The following SIPA1L2 variants were observed in gnomAD, a reference collection of about 807,000 sequenced individuals.
SIPA1L2 encodes signal induced proliferation associated 1 like 2.
SIPA1L2 carries 56 observed loss-of-function variants against 163.9 expected under a neutral mutation model. The ratio of observed to expected loss-of-function variants is 0.34; its 90% CI spans 0.28 to 0.43. The LOEUF is 0.43. Ranked by LOEUF, SIPA1L2 falls within the 20% of genes least tolerant of loss-of-function variation. The probability of loss-of-function intolerance (pLI) is 1.00; values close to 1 mark genes in which losing one functional copy is unlikely to be tolerated. For missense variants in SIPA1L2, 1,974 were observed against 2,193.5 expected (o/e 0.90, Z 2.00); for synonymous variants, 877 against 865.7 (o/e 1.01, Z -0.23).
intron 2 of SIPA1L2, among the ~76,000 whole-genome samples, chr1:232,562,720 C>G (rs978851636): frequency 1.3e-5 from 2 of 152,150 alleles, no homozygotes; most frequent in Non-Finnish European, 2.9e-5. Context: ...TCTGTTTAGT[C>G]CACTTGATAA....
At chr1:232,427,403 A>G (rs1039537072) in intron 17 of SIPA1L2, among the ~76,000 whole-genome samples, 5 of 152,250 alleles carry the variant, frequency 3.3e-5, no homozygotes, top group Admixed American at 6.5e-5. Flanking sequence ...ACTATAGGGA[A>G]GACAGAAGCA....
chr1:232,423,868 A>G (rs1318784417), intron 18 of SIPA1L2, among the ~76,000 whole-genome samples: 1 of 152,206 alleles, frequency 6.6e-6, no homozygotes, highest in Non-Finnish European at 1.5e-5. Flanking sequence ...TACTAAGTAG[A>G]AGAGGCCAGT....
At position 232,439,136 on chromosome 1, in the gene SIPA1L2, C is replaced by A. The variant is rs757200254; in HGVS notation, c.4003G>T (p.Asp1335Tyr). The change falls in exon 15 of 23, where the codon GAT becomes TAT. Residue 1335 changes from aspartate to tyrosine, a missense_variant. Coordinates refer to ENST00000674635, the MANE Select transcript of SIPA1L2 (RefSeq NM_020808.5). ...GAATGAGAGGATATCTCACTGAGAT[C>A]GCCCATGCTGCCTTCCGCAGCACTG... The part of the protein sequence containing the change: ...AGSAAEGSMG[D>Y]LSEISSHSSG... 1.2e-6 allele frequency: 2 copies of A among 1,610,980 alleles called. No individual in the cohort carries two copies. The highest frequency in any genetic ancestry group is 1.1e-5 in the South Asian group (1 of 90,834).
At chr1:232,586,968 T>C (rs889086331) in intron 1 of SIPA1L2, among the ~76,000 whole-genome samples, 10 of 152,262 alleles carry the variant, frequency 6.6e-5, no homozygotes, top group South Asian at 2.1e-4. Flanking sequence ...TGGGCCTTGA[T>C]GGTAATAGGA....
intron 6 of SIPA1L2, among the ~76,000 whole-genome samples, chr1:232,480,156 T>TGC (rs1447978724): frequency 7.7e-5 from 8 of 104,254 alleles, no homozygotes; most frequent in South Asian, 2.9e-4. Flanking sequence ...TGTGTGTGCG[T>TGC]GTGTGTGTGT....
chr1:232,453,399 T>A (rs1010128135), intron 10 of SIPA1L2, among the ~76,000 whole-genome samples: 1 of 152,230 alleles, frequency 6.6e-6, no homozygotes, highest in Non-Finnish European at 1.5e-5. Flanking sequence ...ATCCCATGAC[T>A]GGAACTTGCA....
intron 1 of SIPA1L2, among the ~76,000 whole-genome samples, chr1:232,583,978 G>C (rs1397750215): frequency 6.6e-6 from 1 of 151,088 alleles, no homozygotes; most frequent in Non-Finnish European, 1.5e-5. Context: ...AATCCCTTTT[G>C]CCCAAAGCTA....
At chr1:232,469,992 C>G (rs918380005) in intron 8 of SIPA1L2, among the ~76,000 whole-genome samples, 1 of 151,750 alleles carries the variant, frequency 6.6e-6, no homozygotes, top group Non-Finnish European at 1.5e-5. Context: ...TCCATTTGAC[C>G]TAAAAATAGC....
intron 18 of SIPA1L2, among the ~76,000 whole-genome samples, chr1:232,423,933 A>C (rs1661724258): frequency 6.6e-6 from 1 of 152,214 alleles, no homozygotes; most frequent in Non-Finnish European, 1.5e-5. Flanking sequence ...AGAAAAGGCA[A>C]AACAATGGAA....
At chr1:232,408,994 A>T (rs1252039142) in intron 19 of SIPA1L2, among the ~76,000 whole-genome samples, 1 of 152,144 alleles carries the variant, frequency 6.6e-6, no homozygotes, top group Non-Finnish European at 1.5e-5. Flanking sequence ...AAATACCTAA[A>T]TCCAAATGGA....
intron 2 of SIPA1L2, among the ~76,000 whole-genome samples, chr1:232,518,075 T>C (rs147646323): frequency 6.6e-6 from 1 of 152,130 alleles, no homozygotes; most frequent in African/African-American, 2.4e-5. Flanking sequence ...ATAAATAATA[T>C]ACGAAATTAA....
intron 9 of SIPA1L2, among the ~76,000 whole-genome samples, chr1:232,464,322 C>T (rs1215901703): frequency 6.6e-6 from 1 of 152,174 alleles, no homozygotes; most frequent in African/African-American, 2.4e-5. Context: ...TTTCAAAAGC[C>T]TTTCTAAATT....
At chr1:232,399,759 A>T (rs2102729632) in intron 22 of SIPA1L2, among the ~76,000 whole-genome samples, 1 of 152,290 alleles carries the variant, frequency 6.6e-6, no homozygotes, top group East Asian at 1.9e-4. Flanking sequence ...TGCTATTAAA[A>T]ACTGTGTAAA....
At chr1:232,535,755 T>C (rs897137369) in intron 2 of SIPA1L2, among the ~76,000 whole-genome samples, 7 of 152,336 alleles carry the variant, frequency 4.6e-5, no homozygotes, top group Middle Eastern at 3.4e-3. Context: ...TACTCTATCA[T>C]TGATGTCTTT....
intron 2 of SIPA1L2, among the ~76,000 whole-genome samples, chr1:232,525,652 G>T (rs1430666863): frequency 6.6e-6 from 1 of 152,150 alleles, no homozygotes; most frequent in East Asian, 1.9e-4. Context: ...CAGCACAAAA[G>T]ATTAAGAATT....
At chr1:232,620,593 T>G (rs1485166347) in intron 1 of SIPA1L2, among the ~76,000 whole-genome samples, 1 of 152,162 alleles carries the variant, frequency 6.6e-6, no homozygotes, top group African/African-American at 2.4e-5. Context: ...TTTAGAAAGC[T>G]TCACATAACC....
intron 1 of SIPA1L2, among the ~76,000 whole-genome samples, chr1:232,585,735 G>A (rs1205116789): frequency 6.6e-6 from 1 of 152,130 alleles, no homozygotes; most frequent in Non-Finnish European, 1.5e-5. Flanking sequence ...ACCTACCAAG[G>A]GAGGCAAACA....
chr1:232,474,672 G>C (rs553759891), intron 7 of SIPA1L2, among the ~76,000 whole-genome samples: 2 of 152,198 alleles, frequency 1.3e-5, no homozygotes, highest in South Asian at 4.2e-4. Flanking sequence ...CAATTACTCT[G>C]ATGTGATCAA....
chr1:232,429,621 AAAG>A (rs1340515015), intron 16 of SIPA1L2, among the ~76,000 whole-genome samples: 1 of 152,232 alleles, frequency 6.6e-6, no homozygotes, highest in Non-Finnish European at 1.5e-5. Flanking sequence ...AAAAAAAAAA[AAAG>A]AAGCATTTCA....
Sources: allele counts gnomAD v4.1 joint callset (sites outside exome capture counted in the v4.1 genomes callset), GRCh38; gene constraint gnomAD v4.1.1; transcripts MANE v1.5; gene names NCBI Gene and HGNC (gene_info 2026-07-23, HGNC 2026-07-21).